Variants in SPATS2 observed in about 807,000 individuals in gnomAD.
SPATS2 encodes the protein spermatogenesis associated serine rich 2.
A neutral mutation model predicts 63.7 loss-of-function variants in SPATS2; 38 were observed. The ratio of observed to expected loss-of-function variants is 0.60; its 90% CI spans 0.46 to 0.78. The LOEUF is 0.78. Among genes scored for constraint, SPATS2 ranks in the 30% least tolerant of loss-of-function variants. The pLI is 0.00. For missense variants in SPATS2, 588 were observed against 666.2 expected, an observed-to-expected ratio of 0.88 and a Z score of 1.29; for synonymous variants, 207 against 232.9, an observed-to-expected ratio of 0.89 and a Z score of 1.01.
Position 49,511,693 on chromosome 12 carries a change from C to T in SPATS2, c.840-2862C>T, listed in dbSNP as rs150151328. Among the ~76,000 whole-genome samples the T allele has an allele frequency of 2.1e-3, 319 of 152,244 alleles. 3 individuals carry two copies. Among genetic ancestry groups the T allele is most frequent in the African/African-American group, 7.4e-3 (309 of 41,556 alleles). On this transcript the variant is annotated intron_variant, in intron 9 of 13. Transcript: ENST00000552918. ...TCTTGGCCACACATACATACTGGAA[C>T]CATTGTTTAGCTCAGAAACAGATGG...
At chr12:49,426,229 C>T (rs1945073642) in intron 2 of SPATS2, among the ~76,000 whole-genome samples, 2 of 150,452 alleles carry the variant, frequency 1.3e-5, no homozygotes, top group Admixed American at 6.6e-5. Context: ...ATGTGTAATA[C>T]ACACAAAATG....
At chr12:49,499,673 G>A (rs139603898) in intron 8 of SPATS2, among the ~76,000 whole-genome samples, 25 of 152,130 alleles carry the variant, frequency 1.6e-4, no homozygotes, top group Admixed American at 1.4e-3. Flanking sequence ...GGTCCACCAG[G>A]CTGTTGAGGA....
intron 3 of SPATS2, among the ~76,000 whole-genome samples, chr12:49,468,756 T>C (rs943326385): frequency 2.0e-5 from 3 of 152,162 alleles, no homozygotes; most frequent in Non-Finnish European, 4.4e-5. Flanking sequence ...GGATTACAGG[T>C]GTGAACCGCC....
intron 2 of SPATS2, among the ~76,000 whole-genome samples, chr12:49,459,822 C>T (rs1164177039): frequency 7.5e-6 from 1 of 133,042 alleles, no homozygotes; most frequent in Non-Finnish European, 1.6e-5. Flanking sequence ...ATTCTAGGCT[C>T]ACACCTGTAA....
intron 9 of SPATS2, among the ~76,000 whole-genome samples, chr12:49,507,372 C>T (rs1946671363): frequency 6.6e-6 from 1 of 152,092 alleles, no homozygotes; most frequent in East Asian, 1.9e-4. Context: ...TGAGCAGAGG[C>T]ATAGAAGGGA....
intron 2 of SPATS2, among the ~76,000 whole-genome samples, chr12:49,384,445 C>T (rs1010826551): frequency 1.1e-4 from 16 of 152,200 alleles, no homozygotes; most frequent in African/African-American, 3.9e-4. Flanking sequence ...TGGTACTGTT[C>T]TTACCCCACA....
At chr12:49,457,126 T>C (rs1238831463) in intron 2 of SPATS2, among the ~76,000 whole-genome samples, 1 of 152,166 alleles carries the variant, frequency 6.6e-6, no homozygotes, top group Non-Finnish European at 1.5e-5. Context: ...CAAATTCTTA[T>C]TTGAAATATT....
intron 9 of SPATS2, among the ~76,000 whole-genome samples, chr12:49,504,969 G>T (rs1282816500): frequency 1.3e-5 from 2 of 151,600 alleles, no homozygotes; most frequent in Non-Finnish European, 2.9e-5. Flanking sequence ...TTGCCACATT[G>T]CCCAGGCTGG....
At chr12:49,375,853 G>A (rs1386733904) in intron 2 of SPATS2, among the ~76,000 whole-genome samples, 5 of 151,922 alleles carry the variant, frequency 3.3e-5, no homozygotes, top group Non-Finnish European at 4.4e-5. Context: ...CTGTCTCCTA[G>A]GCTGGAGTGC....
At chr12:49,412,593 G>A (rs917480349) in intron 2 of SPATS2, among the ~76,000 whole-genome samples, 1 of 151,716 alleles carries the variant, frequency 6.6e-6, no homozygotes, top group African/African-American at 2.4e-5. Context: ...ATTAGAAGTC[G>A]TTTCAGGCTG....
At chr12:49,507,067 G>A (rs1266183982) in intron 9 of SPATS2, among the ~76,000 whole-genome samples, 3 of 152,150 alleles carry the variant, frequency 2.0e-5, no homozygotes. Context: ...GTTCAATAAA[G>A]TAAAACTATA....
intron 3 of SPATS2, among the ~76,000 whole-genome samples, chr12:49,468,385 C>T (rs1476737273): frequency 6.6e-6 from 1 of 152,134 alleles, no homozygotes; most frequent in Non-Finnish European, 1.5e-5. Context: ...GTCTCAAACT[C>T]CTGACCTCAG....
chr12:49,502,074 T>C (rs1379961202), intron 9 of SPATS2, among the ~76,000 whole-genome samples: 2 of 152,188 alleles, frequency 1.3e-5, no homozygotes, highest in African/African-American at 4.8e-5. Context: ...ATTATACTTA[T>C]TTTTAGTAAC....
chr12:49,438,208 T>C (rs1338134880), intron 2 of SPATS2, among the ~76,000 whole-genome samples: 1 of 152,224 alleles, frequency 6.6e-6, no homozygotes, highest in South Asian at 2.1e-4. Context: ...CAGAATCCTA[T>C]AGTATGTACT....
At chr12:49,380,700 T>G (rs1356513449) in intron 2 of SPATS2, among the ~76,000 whole-genome samples, 4 of 148,728 alleles carry the variant, frequency 2.7e-5, no homozygotes, top group African/African-American at 1.0e-4. Flanking sequence ...AGCAAGACTC[T>G]GCCTCAAAAA....
chr12:49,453,358 A>AT (rs1181694795), intron 2 of SPATS2, among the ~76,000 whole-genome samples: 7 of 151,432 alleles, frequency 4.6e-5, no homozygotes, highest in Non-Finnish European at 1.0e-4. Flanking sequence ...TGATTTCTGG[A>AT]TTTTTCCTCC....
chr12:49,407,297 C>G (rs1944713497), intron 2 of SPATS2, among the ~76,000 whole-genome samples: 1 of 152,094 alleles, frequency 6.6e-6, no homozygotes, highest in Non-Finnish European at 1.5e-5. Flanking sequence ...GAATGATCCT[C>G]TTAAAATTAA....
At chr12:49,440,692 C>T (rs1488824834) in intron 2 of SPATS2, among the ~76,000 whole-genome samples, 1 of 152,168 alleles carries the variant, frequency 6.6e-6, no homozygotes, top group Non-Finnish European at 1.5e-5. Context: ...TGGTCTCGAT[C>T]TCTTGACCTT....
intron 10 of SPATS2, among the ~76,000 whole-genome samples, chr12:49,514,937 CT>C (rs1946813611): frequency 6.6e-6 from 1 of 152,028 alleles, no homozygotes; most frequent in African/African-American, 2.4e-5. Context: ...GGGATTTTTT[CT>C]ACTTGGAAAA....
Sources: gnomAD v4.1 joint callset for allele counts (sites outside exome capture counted in the v4.1 genomes callset) on GRCh38, gnomAD v4.1.1 for gene constraint, MANE v1.5 for transcripts, NCBI Gene and HGNC (gene_info 2026-07-23, HGNC 2026-07-21) for gene names.